Variants in TNFRSF10B observed in about 807,000 individuals in gnomAD.
TNFRSF10B encodes tumor necrosis factor receptor superfamily member 10B.
In TNFRSF10B, 35 loss-of-function variants were observed where a neutral mutation model predicts 41.4. The ratio of observed to expected loss-of-function variants is 0.85; its 90% CI spans 0.65 to 1.12. The LOEUF (loss-of-function observed/expected upper bound fraction) is 1.12, where lower values mean the gene tolerates loss of function less well. TNFRSF10B is among the 50% of genes most tolerant of loss of function. The pLI is 0.00. For synonymous variants in TNFRSF10B, 230 were observed against 215.5 expected, an observed-to-expected ratio of 1.07 and a Z score of -0.59; for missense variants, 584 against 552.7, an observed-to-expected ratio of 1.06 and a Z score of -0.57.
intron 1 of TNFRSF10B, among the ~76,000 whole-genome samples, chr8:23,057,498 T>C (rs1265470612): frequency 6.6e-6 from 1 of 150,794 alleles, no homozygotes; most frequent in Non-Finnish European, 1.5e-5. Flanking sequence ...TGTGGCATGA[T>C]CTCGGCTCAC....
At chr8:23,052,238 C>T (rs1016148443) in intron 1 of TNFRSF10B, among the ~76,000 whole-genome samples, 2 of 149,998 alleles carry the variant, frequency 1.3e-5, no homozygotes, top group Non-Finnish European at 1.5e-5. Context: ...AAAAATATAT[C>T]GTAGGAAAAC....
At position 23,030,832 on chromosome 8, in the gene TNFRSF10B, G is replaced by T; in HGVS notation, c.291C>A (p.Cys97Ter). 6 of 1,612,736 alleles carry T rather than the reference G, an allele frequency of 3.7e-6. No homozygotes were observed. The highest frequency in any genetic ancestry group is 4.2e-6 in the Non-Finnish European group (5 of 1,179,488). The change falls in exon 3 of 9, where the codon TGC becomes TGA. Residue 97 changes from cysteine to a stop codon, truncating the protein, a stop_gained. Coordinates refer to ENST00000276431, the MANE Select transcript of TNFRSF10B (RefSeq NM_003842.5). LOFTEE classifies it high-confidence loss of function. Reference sequence around the variant, plus strand: ...GAGTGCTATAGTCCTGTCCATATTTGCAGGAGATGCAATCTCTACCGTCTT... The same window carrying T: ...GAGTGCTATAGTCCTGTCCATATTTTCAGGAGATGCAATCTCTACCGTCTT... The part of the protein sequence containing the change: ...ISEDGRDCIS[C>*]KYGQDYSTHW...
intron 1 of TNFRSF10B, among the ~76,000 whole-genome samples, chr8:23,047,163 G>A (rs995239776): frequency 6.6e-6 from 1 of 152,024 alleles, no homozygotes; most frequent in African/African-American, 2.4e-5. Flanking sequence ...TTCAAGACCA[G>A]CCTGATCAAC....
chr8:23,062,258 T>C (rs746424889), intron 1 of TNFRSF10B, among the ~76,000 whole-genome samples: 7 of 152,208 alleles, frequency 4.6e-5, no homozygotes, highest in African/African-American at 7.2e-5. Context: ...TCTCACTCTG[T>C]TGCCCAGGCT....
chr8:23,027,015 C>T, intron 7 of TNFRSF10B, 118 bp downstream of exon 7: 1 of 1,502,184 alleles, frequency 6.7e-7, no homozygotes. Context: ...AGTCCCCTGG[C>T]TCCTTCAGGT....
chr8:23,038,991 A>G (rs769480269), intron 2 of TNFRSF10B, among the ~76,000 whole-genome samples: 4 of 151,628 alleles, frequency 2.6e-5, no homozygotes, highest in Non-Finnish European at 5.9e-5. Flanking sequence ...TAATTATACA[A>G]CTCACTATAA....
In TNFRSF10B at chr8:23,022,975, T is replaced by A; in HGVS notation, c.1019A>T (p.Gln340Leu). The change falls in exon 9 of 9, where the codon CAG (glutamine) becomes CTG (leucine). Residue 340 changes from glutamine to leucine, a missense_variant. By Grantham distance (113) the Gln-to-Leu change is moderately radical. Transcript: ENST00000276431. ...CAAGTCTGCAAAGTCATCGAAGCAC[T>A]GTCTCAGAGCTGGTGGAGAAAGCCA... ...NEGDPTETLR[Q>L]CFDDFADLVP... 1 of 1,612,014 alleles carries A rather than the reference T, an allele frequency of 6.2e-7. No individual in the cohort carries two copies. The highest frequency in any genetic ancestry group is 8.5e-7 in the Non-Finnish European group (1 of 1,179,978).
At chr8:23,054,320 G>C (rs996315951) in intron 1 of TNFRSF10B, among the ~76,000 whole-genome samples, 1 of 152,170 alleles carries the variant, frequency 6.6e-6, no homozygotes, top group African/African-American at 2.4e-5. Flanking sequence ...CTAATCCTTT[G>C]TTTTGCTTTT....
chr8:23,067,558 A>C (rs1473666042), intron 1 of TNFRSF10B, among the ~76,000 whole-genome samples: 1 of 152,152 alleles, frequency 6.6e-6, no homozygotes, highest in East Asian at 1.9e-4. Flanking sequence ...GAGAGGCAAG[A>C]TGCCCTGGGG....
chr8:23,038,812 C>G (rs1447225510), intron 2 of TNFRSF10B, among the ~76,000 whole-genome samples: 1 of 152,036 alleles, frequency 6.6e-6, no homozygotes, highest in African/African-American at 2.4e-5. Flanking sequence ...TCAGGGCTCT[C>G]TAGAGCAGGG....
chr8:23,041,855 G>A (rs938877546), intron 2 of TNFRSF10B, among the ~76,000 whole-genome samples: 1 of 152,136 alleles, frequency 6.6e-6, no homozygotes, highest in Non-Finnish European at 1.5e-5. Context: ...TTGCAGTCCT[G>A]TCTCCCTGGC....
rs778069442 is a variant in TNFRSF10B at position 23,029,710 on chromosome 8, G to A, written c.376C>T (p.Leu126=). ...TTTCTGGTCGTGGTGCAGGGACTTA[G>A]CTCCACTTCACCTGACGACAGAGCA... The part of the protein sequence containing the change: ...CTRCDSGEVE[L]SPCTTTRNTV... Residue 126 remains leucine (L), a synonymous_variant, in exon 4 of 9, where the codon CTA becomes TTA. Transcript: ENST00000276431. The A allele has an allele frequency of 1.2e-6, 2 of 1,613,578 alleles. No homozygotes were observed. The highest frequency in any genetic ancestry group is 1.7e-5 in the Admixed American group (1 of 59,960).
chr8:23,033,585 C>CAAAAAAAAAAAAA (rs59282000), intron 2 of TNFRSF10B, among the ~76,000 whole-genome samples: 2 of 62,278 alleles, frequency 3.2e-5, no homozygotes, highest in African/African-American at 1.5e-4. Context: ...GACTCCGTCT[C>CAAAAAAAAAAAAA]AAAAAAAAAA....
At chr8:23,027,908 A>C in intron 5 of TNFRSF10B, 155 bp from the exon 6 acceptor site, 1 of 801,058 alleles carries the variant, frequency 1.2e-6, no homozygotes, top group Non-Finnish European at 2.0e-6. Flanking sequence ...ACTCAGAGAC[A>C]CCCTGAGGAA....
chr8:23,043,100 G>T (rs762973004), intron 2 of TNFRSF10B, 38 bp downstream of exon 2: 1 of 1,577,064 alleles, frequency 6.3e-7, no homozygotes, highest in Non-Finnish European at 8.7e-7. Context: ...GAGACAAGGG[G>T]AGGAGGGGCA....
chr8:23,027,989 T>C, intron 5 of TNFRSF10B: 1 of 613,418 alleles, frequency 1.6e-6, no homozygotes, highest in Non-Finnish European at 2.9e-6. Flanking sequence ...TGACCAAGGC[T>C]GAAAAAATCC....
At position 23,069,014 on chromosome 8, in the gene TNFRSF10B, G is replaced by T; in HGVS notation, c.-120C>A. On this transcript the variant is annotated 5_prime_UTR_variant, in exon 1 of 9. Coordinates refer to ENST00000276431, the MANE Select transcript of TNFRSF10B (RefSeq NM_003842.5). ...TTGCGGGGTTCTCCGGCCGCGTGCT[G>T]ATTTATGTGTCCAGGCTGACTTGGG... is the stretch of plus-strand genomic sequence containing the variant. 6.6e-7 allele frequency: 1 copy of T among 1,511,324 alleles called. No individual in the cohort carries two copies. 93.6% of individuals were successfully genotyped at this position (1,511,324 alleles called of 1,614,324 possible).
intron 2 of TNFRSF10B, among the ~76,000 whole-genome samples, chr8:23,040,979 T>A (rs74504126): frequency 6.6e-5 from 10 of 152,112 alleles, no homozygotes; most frequent in African/African-American, 2.4e-4. Context: ...TACTACAAAA[T>A]GAAGTCCATG....
At chr8:23,052,500 A>G (rs1812553171) in intron 1 of TNFRSF10B, among the ~76,000 whole-genome samples, 2 of 151,936 alleles carry the variant, frequency 1.3e-5, no homozygotes, top group Admixed American at 6.6e-5. Flanking sequence ...GTCAGCCAGG[A>G]TGGTCTTGAT....
Sources: gnomAD v4.1 joint callset for allele counts (sites outside exome capture counted in the v4.1 genomes callset) on GRCh38, gnomAD v4.1.1 for gene constraint, MANE v1.5 for transcripts, NCBI Gene and HGNC (gene_info 2026-07-23, HGNC 2026-07-21) for gene names.